The following RNF13 variants were observed in gnomAD, a reference collection of about 807,000 sequenced individuals.
The protein encoded by RNF13 is ring finger protein 13, also known as E3 ubiquitin-protein ligase RNF13.
A neutral mutation model predicts 37.7 loss-of-function variants in RNF13; 19 were observed. That is an observed-to-expected ratio of 0.50 (90% CI 0.35 to 0.74). RNF13 has a LOEUF of 0.74. Ranked by LOEUF, RNF13 falls within the 30% of genes least tolerant of loss-of-function variation. RNF13 has a pLI of 0.01. For synonymous variants in RNF13, 144 were observed against 157.8 expected (o/e 0.91, Z 0.65); for missense variants, 375 against 453.0 (o/e 0.83, Z 1.56).
chr3:149,837,962 TG>T (rs1721796005), intron 1 of RNF13, among the ~76,000 whole-genome samples: 1 of 152,038 alleles, frequency 6.6e-6, no homozygotes, highest in African/African-American at 2.4e-5. Context: ...CTAGATACAA[TG>T]GGGGTACAGG....
rs1717068413 is a variant in RNF13 at position 149,912,213 on chromosome 3, G to A, written c.606+130G>A. ...TATTATATAAATTCATTTATGTGAA[G>A]TTCTAGAAAAAACAAAGATAATGTG... On this transcript the variant is annotated intron_variant, in intron 7 of 9. Transcript: ENST00000392894. 4 of 509,296 alleles carry A rather than the reference G, an allele frequency of 7.9e-6. No individual in the cohort carries two copies. The Admixed American group carries it at 1.4e-4, about 18-fold the overall frequency. 31.5% of individuals were successfully genotyped at this position (509,296 alleles called of 1,614,324 possible).
At chr3:149,937,971 C>A (rs1719871410) in intron 8 of RNF13, among the ~76,000 whole-genome samples, 1 of 152,016 alleles carries the variant, frequency 6.6e-6, no homozygotes, top group African/African-American at 2.4e-5. Context: ...TTGAGTTCAA[C>A]TGTGTCCTTA....
chr3:149,869,978 G>A (rs1283411173), intron 3 of RNF13, among the ~76,000 whole-genome samples: 1 of 151,768 alleles, frequency 6.6e-6, no homozygotes, highest in African/African-American at 2.4e-5. Context: ...TTCATGCCCA[G>A]TGGACCTGTG....
At chr3:149,918,693 G>GTTT (rs71138423) in intron 7 of RNF13, among the ~76,000 whole-genome samples, 26 of 132,376 alleles carry the variant, frequency 2.0e-4, no homozygotes, top group Non-Finnish European at 3.2e-4. Flanking sequence ...CCAGCTAATT[G>GTTT]TTTTTTTTTT....
At chr3:149,943,627 T>C (rs1263052455) in intron 8 of RNF13, among the ~76,000 whole-genome samples, 1 of 152,194 alleles carries the variant, frequency 6.6e-6, no homozygotes, top group African/African-American at 2.4e-5. Context: ...ATCATTATAG[T>C]ATCACATGGA....
intron 2 of RNF13, among the ~76,000 whole-genome samples, chr3:149,850,323 G>T (rs1723017443): frequency 6.6e-6 from 1 of 152,134 alleles, no homozygotes; most frequent in Non-Finnish European, 1.5e-5. Context: ...TTAATTTTAT[G>T]AGCATCGCTC....
At chr3:149,890,276 G>A (rs1714559105) in intron 4 of RNF13, among the ~76,000 whole-genome samples, 1 of 152,166 alleles carries the variant, frequency 6.6e-6, no homozygotes, top group Non-Finnish European at 1.5e-5. Context: ...TTGTTCCAAA[G>A]CAGTGTTTTA....
intron 4 of RNF13, among the ~76,000 whole-genome samples, chr3:149,873,077 T>C (rs755840326): frequency 6.6e-6 from 1 of 152,218 alleles, no homozygotes; most frequent in Non-Finnish European, 1.5e-5. Context: ...GAGTTGTTTA[T>C]GATAGTTTAA....
At chr3:149,894,780 A>G (rs994347928) in intron 4 of RNF13, among the ~76,000 whole-genome samples, 1 of 152,146 alleles carries the variant, frequency 6.6e-6, no homozygotes, top group Non-Finnish European at 1.5e-5. Context: ...CTAATAGTCT[A>G]AAGGTCATAC....
intron 7 of RNF13, among the ~76,000 whole-genome samples, chr3:149,918,698 T>G (rs1191245253): frequency 6.6e-6 from 1 of 151,230 alleles, no homozygotes; most frequent in Non-Finnish European, 1.5e-5. Context: ...TAATTGTTTT[T>G]TTTTTTTTTT....
In RNF13 at chr3:149,903,812, A is replaced by G. The variant is rs187472619; in HGVS notation, c.500+1650A>G. On this transcript the variant is annotated intron_variant, in intron 6 of 9. Coordinates refer to ENST00000392894, the MANE Select transcript of RNF13 (RefSeq NM_183381.3). ...CTATTTTTTCATGTCAGTTCACTTCAAGTTGACTGTCAAATGAATTGCAAA... is the reference window on the plus strand; with the variant it reads ...CTATTTTTTCATGTCAGTTCACTTCGAGTTGACTGTCAAATGAATTGCAAA... 1.9e-3 allele frequency among the ~76,000 whole-genome samples: 288 copies of G among 152,338 alleles called. 1 individual carries two copies. Among genetic ancestry groups the G allele is most frequent in the South Asian group, 0.011 (51 of 4,830 alleles).
At chr3:149,866,223 G>A (rs747882728) in intron 3 of RNF13, among the ~76,000 whole-genome samples, 41 of 152,244 alleles carry the variant, frequency 2.7e-4, no homozygotes, top group Non-Finnish European at 2.9e-4. Flanking sequence ...AGTTTATTAA[G>A]AAAGTAAAGG....
At chr3:149,919,515 T>C (rs924843289) in intron 7 of RNF13, among the ~76,000 whole-genome samples, 8 of 152,198 alleles carry the variant, frequency 5.3e-5, no homozygotes, top group Admixed American at 1.3e-4. Context: ...TACTCTTTTG[T>C]GTCTGTCTTC....
chr3:149,814,370 T>A (rs1249334657), intron 1 of RNF13: 1 of 152,218 alleles, frequency 6.6e-6, no homozygotes, highest in Non-Finnish European at 1.5e-5. Context: ...AAGCACAGTT[T>A]TTTAATGGGT....
intron 1 of RNF13, among the ~76,000 whole-genome samples, chr3:149,819,460 T>C (rs1434828638): frequency 6.6e-6 from 1 of 152,248 alleles, no homozygotes; most frequent in East Asian, 1.9e-4. Flanking sequence ...CTTTAATTTA[T>C]ACAACAGTCA....
chr3:149,896,976 T>C (rs996797270), intron 5 of RNF13, among the ~76,000 whole-genome samples: 9 of 152,218 alleles, frequency 5.9e-5, no homozygotes, highest in Non-Finnish European at 1.2e-4. Context: ...TGACAGCTAC[T>C]ACATGGGAAT....
At chr3:149,827,028 G>A (rs1720572113) in intron 1 of RNF13, among the ~76,000 whole-genome samples, 1 of 152,058 alleles carries the variant, frequency 6.6e-6, no homozygotes, top group African/African-American at 2.4e-5. Flanking sequence ...AGAGTGCTGG[G>A]ATTACAGGCA....
chr3:149,950,093 A>C (rs1021336355), intron 8 of RNF13, among the ~76,000 whole-genome samples: 2 of 152,172 alleles, frequency 1.3e-5, no homozygotes, highest in African/African-American at 4.8e-5. Flanking sequence ...AATCAAATGC[A>C]TTCTTCATTT....
intron 8 of RNF13, among the ~76,000 whole-genome samples, chr3:149,957,647 A>G (rs1345951918): frequency 6.6e-6 from 1 of 152,222 alleles, no homozygotes; most frequent in Non-Finnish European, 1.5e-5. Flanking sequence ...GTGATAAGTA[A>G]GTATGCCTAT....
Sources: gnomAD v4.1 joint callset for allele counts (sites outside exome capture counted in the v4.1 genomes callset) on GRCh38, gnomAD v4.1.1 for gene constraint, MANE v1.5 for transcripts, NCBI Gene and HGNC (gene_info 2026-07-23, HGNC 2026-07-21) for gene names.